UBE2E2: variants seen among roughly 807,000 people sequenced by gnomAD.
The protein encoded by UBE2E2 is ubiquitin conjugating enzyme E2 E2.
In UBE2E2, 6 loss-of-function variants were observed where a neutral mutation model predicts 24.7. That is an observed-to-expected ratio of 0.24 (90% CI 0.13 to 0.48). The LOEUF is 0.48. Among genes scored for constraint, UBE2E2 ranks in the 20% least tolerant of loss-of-function variants. UBE2E2 has a pLI of 0.99. For synonymous variants in UBE2E2, 104 were observed against 83.6 expected, an observed-to-expected ratio of 1.24 and a Z score of -1.33; for missense variants, 169 against 245.0, an observed-to-expected ratio of 0.69 and a Z score of 2.07.
chr3:23,415,974 T>G (rs576350885), intron 3 of UBE2E2, among the ~76,000 whole-genome samples: 1 of 152,178 alleles, frequency 6.6e-6, no homozygotes, highest in Admixed American at 6.5e-5. Flanking sequence ...AACTCCCACT[T>G]ATGAGTGACA....
At chr3:23,284,028 G>A (rs1179336288) in intron 3 of UBE2E2, among the ~76,000 whole-genome samples, 3 of 152,172 alleles carry the variant, frequency 2.0e-5, no homozygotes, top group African/African-American at 7.2e-5. Context: ...ATTTGGCCAT[G>A]TTAGGAATAA....
rs776378538 is a variant in UBE2E2, at chr3:23,208,676, T to C, written c.-8-16T>C. ...GTAGTACAGCTAAATAAATGATTTT[T>C]GATTCTTTAATCCAGGATCTAAAAT... On this transcript the variant is annotated splice_polypyrimidine_tract_variant and intron_variant, in intron 1 of 5. Coordinates refer to ENST00000396703, the MANE Select transcript of UBE2E2 (RefSeq NM_152653.4). The C allele has an allele frequency of 2.8e-5, 44 of 1,581,388 alleles. No individual in the cohort carries two copies. The East Asian group carries it at 4.1e-4, about 15-fold the overall frequency.
chr3:23,214,248 T>G (rs1226943362), intron 2 of UBE2E2, among the ~76,000 whole-genome samples: 1 of 152,056 alleles, frequency 6.6e-6, no homozygotes, highest in Non-Finnish European at 1.5e-5. Context: ...GACAGAAAAT[T>G]ATGATTTATC....
intron 4 of UBE2E2, among the ~76,000 whole-genome samples, chr3:23,509,254 A>G (rs1407889352): frequency 1.3e-5 from 2 of 152,208 alleles, no homozygotes; most frequent in Non-Finnish European, 2.9e-5. Context: ...TCCTAACCTT[A>G]CAGGAAAGGG....
At chr3:23,569,154 A>AG (rs1203961790) in intron 5 of UBE2E2, among the ~76,000 whole-genome samples, 17 of 152,234 alleles carry the variant, frequency 1.1e-4, no homozygotes, top group Admixed American at 1.1e-3. Flanking sequence ...GATAATAAAA[A>AG]GGAATGAAGT....
At chr3:23,310,937 C>T (rs1236488306) in intron 3 of UBE2E2, among the ~76,000 whole-genome samples, 2 of 152,020 alleles carry the variant, frequency 1.3e-5, no homozygotes, top group Admixed American at 1.3e-4. Context: ...ATACATGTGC[C>T]ATGTTGGTGT....
chr3:23,292,105 A>G (rs1053853674), intron 3 of UBE2E2, among the ~76,000 whole-genome samples: 43 of 152,006 alleles, frequency 2.8e-4, no homozygotes, highest in East Asian at 9.7e-4. Context: ...TGATTCGCTC[A>G]CCTTGGCCTC....
intron 4 of UBE2E2, among the ~76,000 whole-genome samples, chr3:23,524,865 G>GACACACACACACACACACAC (rs59806964): frequency 2.8e-4 from 41 of 147,532 alleles, no homozygotes; most frequent in African/African-American, 8.2e-4. Context: ...CAGACACACA[G>GACACACACACACACACACAC]ACACACACAC....
At chr3:23,475,435 C>T (rs1019859936) in intron 3 of UBE2E2, among the ~76,000 whole-genome samples, 4 of 152,038 alleles carry the variant, frequency 2.6e-5, no homozygotes, top group African/African-American at 7.3e-5. Flanking sequence ...TTTCCATGCT[C>T]CTGTCATTAC....
rs73821814 is a variant in UBE2E2 at position 23,454,363 on chromosome 3, C to T, written c.228-45245C>T. Reference sequence around the variant, plus strand: ...AAAGAATGGTTTATTTTAAAAGGTGCCACCCATGAATGCAATCCATATTTT... The same window carrying T: ...AAAGAATGGTTTATTTTAAAAGGTGTCACCCATGAATGCAATCCATATTTT... On this transcript the variant is annotated intron_variant, in intron 3 of 5. Coordinates refer to ENST00000396703, the MANE Select transcript of UBE2E2 (RefSeq NM_152653.4). Among the ~76,000 whole-genome samples, 1,011 of 152,204 alleles carry T rather than the reference C, an allele frequency of 6.6e-3. 11 individuals carry two copies. Among genetic ancestry groups the T allele is most frequent in the African/African-American group, 0.023 (971 of 41,522 alleles).
intron 3 of UBE2E2, among the ~76,000 whole-genome samples, chr3:23,415,826 T>C (rs1697613829): frequency 6.6e-6 from 1 of 152,144 alleles, no homozygotes; most frequent in South Asian, 2.1e-4. Flanking sequence ...ACACGTGCCA[T>C]GGTGGTTTGC....
chr3:23,288,564 A>G (rs977714398), intron 3 of UBE2E2, among the ~76,000 whole-genome samples: 1 of 152,144 alleles, frequency 6.6e-6, no homozygotes, highest in Admixed American at 6.5e-5. Context: ...TCTTTAGCTC[A>G]ACAATATTTG....
At chr3:23,375,646 T>C (rs1412927662) in intron 3 of UBE2E2, among the ~76,000 whole-genome samples, 1 of 152,226 alleles carries the variant, frequency 6.6e-6, no homozygotes, top group African/African-American at 2.4e-5. Context: ...TTTTAAGAGA[T>C]ATTTCTTTCA....
intron 3 of UBE2E2, among the ~76,000 whole-genome samples, chr3:23,378,000 C>T (rs1285157394): frequency 6.6e-6 from 1 of 152,086 alleles, no homozygotes; most frequent in African/African-American, 2.4e-5. Context: ...ATCACCACCA[C>T]TCACAATACC....
chr3:23,557,051 T>C lies in UBE2E2; in HGVS notation c.508+24350T>C, dbSNP rs562364953. Among the ~76,000 whole-genome samples the C allele has an allele frequency of 1.3e-4, 20 of 152,330 alleles. No homozygotes were observed. The East Asian group carries it at 3.9e-3, about 29-fold the overall frequency. On this transcript the variant is annotated intron_variant, in intron 5 of 5. Coordinates refer to ENST00000396703, the MANE Select transcript of UBE2E2 (RefSeq NM_152653.4). ...CCTAAAGGAAGACCTAAAACACTCC[T>C]AATACTAAACATTGAAATAGATGTG... is the stretch of plus-strand genomic sequence containing the variant.
intron 5 of UBE2E2, among the ~76,000 whole-genome samples, chr3:23,538,942 A>G (rs1435177693): frequency 6.6e-6 from 1 of 152,186 alleles, no homozygotes; most frequent in Non-Finnish European, 1.5e-5. Flanking sequence ...AATGCAAACA[A>G]AAATATCCAT....
chr3:23,347,984 T>A (rs1341908847), intron 3 of UBE2E2, among the ~76,000 whole-genome samples: 3 of 152,180 alleles, frequency 2.0e-5, no homozygotes, highest in South Asian at 4.1e-4. Context: ...TGTGCACATG[T>A]ACCCTAGAAC....
rs184812416 is a variant in UBE2E2, at chr3:23,298,823, C to T, written c.227+81511C>T. On this transcript the variant is annotated intron_variant, in intron 3 of 5. Coordinates refer to ENST00000396703, the MANE Select transcript of UBE2E2 (RefSeq NM_152653.4). ...CTCATAAAATGAGTTAGGGAGGATT[C>T]CCTCTTTTTCTATTGATTGGAATAG... 2.0e-5 allele frequency among the ~76,000 whole-genome samples: 3 copies of T among 152,176 alleles called. No homozygotes were observed. The East Asian group carries it at 5.8e-4, about 29-fold the overall frequency.
chr3:23,306,406 T>G (rs980470206), intron 3 of UBE2E2, among the ~76,000 whole-genome samples: 1 of 152,206 alleles, frequency 6.6e-6, no homozygotes, highest in Non-Finnish European at 1.5e-5. Flanking sequence ...AGACAAATAT[T>G]AGCCAATCCA....
Sources: gnomAD v4.1 joint callset for allele counts (sites outside exome capture counted in the v4.1 genomes callset) on GRCh38, gnomAD v4.1.1 for gene constraint, MANE v1.5 for transcripts, NCBI Gene and HGNC (gene_info 2026-07-23, HGNC 2026-07-21) for gene names.